The following AFAP1L2 variants were observed in gnomAD, a reference collection of about 807,000 sequenced individuals.
The protein encoded by AFAP1L2 is actin filament-associated protein 1-like 2.
In AFAP1L2, 46 loss-of-function variants were observed where a neutral mutation model predicts 99.3. That is an observed-to-expected ratio of 0.46 (90% CI 0.37 to 0.59). The LOEUF (loss-of-function observed/expected upper bound fraction) is 0.59, where lower values mean the gene tolerates loss of function less well. AFAP1L2 is among the 20% of genes least tolerant of loss of function. AFAP1L2 has a pLI of 0.00. For synonymous variants in AFAP1L2, 397 were observed against 419.1 expected (o/e 0.95, Z 0.64); for missense variants, 959 against 1,034.9 (o/e 0.93, Z 1.01).
At chr10:114,387,110 A>G (rs2056598922) in intron 1 of AFAP1L2, among the ~76,000 whole-genome samples, 2 of 152,216 alleles carry the variant, frequency 1.3e-5, no homozygotes, top group African/African-American at 4.8e-5. Context: ...AGAACTGATC[A>G]TTAGTCAGGA....
intron 1 of AFAP1L2, among the ~76,000 whole-genome samples, chr10:114,362,715 C>A (rs1057452772): frequency 6.6e-6 from 1 of 152,114 alleles, no homozygotes; most frequent in Non-Finnish European, 1.5e-5. Context: ...CATCAACTCA[C>A]GGAGCTAGAG....
At chr10:114,344,578 T>G (rs560336983) in intron 1 of AFAP1L2, among the ~76,000 whole-genome samples, 1 of 152,230 alleles carries the variant, frequency 6.6e-6, no homozygotes, top group Non-Finnish European at 1.5e-5. Flanking sequence ...GGGTGGAAAG[T>G]GCTGGGCCTG....
At chr10:114,312,406 G>A (rs548460646) in intron 7 of AFAP1L2, among the ~76,000 whole-genome samples, 5 of 152,250 alleles carry the variant, frequency 3.3e-5, no homozygotes, top group Non-Finnish European at 7.4e-5. Context: ...GTGTGCAAAT[G>A]AGTATGTGTG....
At chr10:114,296,889 G>A in intron 18 of AFAP1L2, 89 bp downstream of exon 18, 1 of 1,604,690 alleles carries the variant, frequency 6.2e-7, no homozygotes, top group Non-Finnish European at 8.5e-7. Context: ...GGTGCCAAAA[G>A]CCACAAAGCA....
intron 12 of AFAP1L2, 30 bp downstream of exon 12, chr10:114,302,309 G>A: frequency 1.2e-6 from 2 of 1,614,008 alleles, no homozygotes; most frequent in East Asian, 2.2e-5. Context: ...GAATAAGAGA[G>A]TGTACGGAGG....
rs149292495 is a variant in AFAP1L2, at chr10:114,295,138, A to G, written c.*904T>C. ...ATCACCACTTTGTTCTTGGAAGGAG[A>G]ATGAACATTAAACAGAACTTAAAAT... is the stretch of plus-strand genomic sequence containing the variant. On this transcript the variant is annotated 3_prime_UTR_variant, in exon 19 of 19. Transcript: ENST00000304129. 2 of 985,814 alleles carry G rather than the reference A, an allele frequency of 2.0e-6. No homozygotes were observed. The highest frequency in any genetic ancestry group is 2.4e-6 in the Non-Finnish European group (2 of 829,910). 61.1% of individuals were successfully genotyped at this position (985,814 alleles called of 1,614,324 possible). A position where few individuals can be genotyped will look rare whatever the true frequency, so the allele number is the denominator to read the frequency against.
At chr10:114,338,110 C>T (rs1213915074) in intron 2 of AFAP1L2, among the ~76,000 whole-genome samples, 2 of 152,196 alleles carry the variant, frequency 1.3e-5, no homozygotes, top group Non-Finnish European at 2.9e-5. Context: ...GGGCATATAG[C>T]GACATGCCTC....
At chr10:114,288,155 CAGGAG>C in the AFAP1L2 span, among the ~76,000 whole-genome samples, 2 of 152,234 alleles carry the variant, frequency 1.3e-5, no homozygotes, top group African/African-American at 4.8e-5. Context: ...ATCCCCTGCA[CAGGAG>C]AGGCCTTCTG....
At chr10:114,352,131 G>A (rs537594951) in intron 1 of AFAP1L2, among the ~76,000 whole-genome samples, 1 of 152,206 alleles carries the variant, frequency 6.6e-6, no homozygotes, top group Non-Finnish European at 1.5e-5. Context: ...ACTCTCCATA[G>A]ACTGTAAATA....
chr10:114,334,932 C>T (rs988328913), intron 2 of AFAP1L2, among the ~76,000 whole-genome samples: 6 of 152,220 alleles, frequency 3.9e-5, no homozygotes, highest in Admixed American at 3.9e-4. Context: ...CTGTTTCAAC[C>T]AAACTCTTCA....
intron 1 of AFAP1L2, among the ~76,000 whole-genome samples, chr10:114,381,956 A>G (rs2055685532): frequency 6.6e-6 from 1 of 152,186 alleles, no homozygotes; most frequent in Admixed American, 6.5e-5. Flanking sequence ...TATCAGGAAG[A>G]GATCCCATAA....
At chr10:114,392,771 G>A (rs902793815) in intron 1 of AFAP1L2, among the ~76,000 whole-genome samples, 9 of 152,084 alleles carry the variant, frequency 5.9e-5, no homozygotes, top group African/African-American at 1.7e-4. Flanking sequence ...AAATCTATAC[G>A]CACAGACACA....
At chr10:114,342,402 G>C (rs138940936) in intron 1 of AFAP1L2, among the ~76,000 whole-genome samples, 2 of 152,320 alleles carry the variant, frequency 1.3e-5, no homozygotes. Flanking sequence ...TACCAGCACT[G>C]GCCTCTGTGG....
intron 4 of AFAP1L2, among the ~76,000 whole-genome samples, chr10:114,330,477 G>A (rs1180291418): frequency 6.6e-6 from 1 of 152,176 alleles, no homozygotes; most frequent in African/African-American, 2.4e-5. Context: ...TGTGACATTA[G>A]GTTTCCTCAC....
intron 1 of AFAP1L2, among the ~76,000 whole-genome samples, chr10:114,344,550 A>G (rs1006457546): frequency 2.6e-5 from 4 of 152,224 alleles, no homozygotes; most frequent in African/African-American, 9.6e-5. Flanking sequence ...CACGTGAGCC[A>G]ATATGTACCA....
chr10:114,311,517 C>T (rs748933188), intron 7 of AFAP1L2, among the ~76,000 whole-genome samples: 1 of 152,218 alleles, frequency 6.6e-6, no homozygotes, highest in Non-Finnish European at 1.5e-5. Flanking sequence ...AGGGTTGGCA[C>T]CTGTGTGACA....
At position 114,323,167 on chromosome 10, in the gene AFAP1L2, G is replaced by A. The variant is rs769000241; in HGVS notation, c.406+4C>T. 1.1e-5 allele frequency: 18 copies of A among 1,589,698 alleles called. 1 individual carries two copies. The South Asian group carries it at 2.1e-4, about 18-fold the overall frequency. On this transcript the variant is annotated splice_donor_region_variant and intron_variant, in intron 5 of 18. Transcript: ENST00000304129. The stretch of plus-strand genomic sequence containing the variant: ...CCTCCCAAGCCCCAGCCGCTGGGAT[G>A]TACCATTGAGGGATGTGTCATATGG...
chr10:114,398,922 A>G, intron 1 of AFAP1L2: 1 of 1,304,324 alleles, frequency 7.7e-7, no homozygotes, highest in South Asian at 1.2e-5. Flanking sequence ...AGACAGAAAT[A>G]AGGCTCAAGT....
At chr10:114,393,622 T>G (rs1342717915) in intron 1 of AFAP1L2, 10 of 150,984 alleles carry the variant, frequency 6.6e-5, no homozygotes, top group Non-Finnish European at 1.5e-5. Flanking sequence ...GGAGAGTGAG[T>G]CAGGCTTTGT....
Sources: gnomAD v4.1 joint callset for allele counts (sites outside exome capture counted in the v4.1 genomes callset) on GRCh38, gnomAD v4.1.1 for gene constraint, MANE v1.5 for transcripts, NCBI Gene and HGNC (gene_info 2026-07-23, HGNC 2026-07-21) for gene names.